The following REPS2 variants were observed in gnomAD, a reference collection of about 807,000 sequenced individuals.
REPS2 encodes RALBP1 associated Eps domain containing 2, also known as ralBP1-associated Eps domain-containing protein 2.
Under a neutral mutation model 53.6 loss-of-function variants are expected in REPS2, and 23 were observed. The observed-to-expected ratio is 0.43, with a 90% CI of 0.31 to 0.61. The LOEUF (loss-of-function observed/expected upper bound fraction) is 0.61, where lower values mean the gene tolerates loss of function less well. REPS2 is among the 20% of genes least tolerant of loss of function. The pLI is 0.11. For missense variants in REPS2, 446 were observed against 534.9 expected, an observed-to-expected ratio of 0.83 and a Z score of 1.64; for synonymous variants, 238 against 218.6, an observed-to-expected ratio of 1.09 and a Z score of -0.78.
intron 1 of REPS2, among the ~76,000 whole-genome samples, chrX:16,952,767 T>G (rs1327161614): frequency 3.6e-5 from 4 of 112,080 alleles, no homozygotes; most frequent in Non-Finnish European, 5.6e-5. Flanking sequence ...CTTTATATTT[T>G]TACATCTTTA....
At chrX:17,026,167 G>C (rs1386229454) in intron 4 of REPS2, among the ~76,000 whole-genome samples, 1 of 111,913 alleles carries the variant, frequency 8.9e-6, no homozygotes, top group Non-Finnish European at 1.9e-5. Flanking sequence ...GTAGGACTTT[G>C]GGCAGGCCAT....
At chrX:17,011,818 C>T (rs373736470) in intron 2 of REPS2, among the ~76,000 whole-genome samples, 6 of 109,983 alleles carry the variant, frequency 5.5e-5, no homozygotes, top group African/African-American at 1.3e-4. Context: ...AAAAATTAGC[C>T]GGGTGTAGTG....
At chrX:17,122,188 A>C (rs951278755) in intron 14 of REPS2, among the ~76,000 whole-genome samples, 7 of 111,749 alleles carry the variant, frequency 6.3e-5, no homozygotes, top group African/African-American at 1.9e-4. Flanking sequence ...AGCACCCCAG[A>C]AGCCCTCCTT....
chrX:17,195,462 G>T, the REPS2 span, among the ~76,000 whole-genome samples: 858 of 112,066 alleles, frequency 7.7e-3, 9 homozygotes, highest in African/African-American at 0.027. Flanking sequence ...CACCTTGGCA[G>T]TTGGGGATAA....
intron 2 of REPS2, among the ~76,000 whole-genome samples, chrX:17,012,827 G>A (rs1314067022): frequency 9.0e-6 from 1 of 111,704 alleles, no homozygotes; most frequent in Admixed American, 9.5e-5. Flanking sequence ...AATAGTTTGG[G>A]GTAAAATTCT....
At chrX:17,118,454 A>T (rs948573780) in intron 14 of REPS2, among the ~76,000 whole-genome samples, 1 of 110,917 alleles carries the variant, frequency 9.0e-6, no homozygotes, top group Non-Finnish European at 1.9e-5. Flanking sequence ...TTAACAGTTC[A>T]TGCTAACACT....
chrX:17,084,144 C>T (rs922100206), intron 13 of REPS2, among the ~76,000 whole-genome samples: 3 of 109,993 alleles, frequency 2.7e-5, no homozygotes, highest in Admixed American at 9.8e-5. Context: ...TTGCCCATTC[C>T]GGAATTCTGT....
chrX:16,962,285 A>G, intron 1 of REPS2, among the ~76,000 whole-genome samples: 1 of 91,342 alleles, frequency 1.1e-5, no homozygotes, highest in South Asian at 4.7e-4. Context: ...ATACACACAC[A>G]CACACACACA....
At chrX:17,059,899 G>A (rs2062133022) in intron 8 of REPS2, among the ~76,000 whole-genome samples, 1 of 46,783 alleles carries the variant, frequency 2.1e-5, no homozygotes, top group Admixed American at 2.3e-4. Flanking sequence ...TTACCCGCTA[G>A]CCTTTTGATA....
intron 14 of REPS2, among the ~76,000 whole-genome samples, chrX:17,129,732 C>T (rs112029054): frequency 8.0e-5 from 9 of 112,310 alleles, no homozygotes; most frequent in South Asian, 7.4e-4. Flanking sequence ...ATAACAAAGA[C>T]GCTCTGCTGT....
chrX:16,995,296 A>G (rs2061221590), intron 1 of REPS2, among the ~76,000 whole-genome samples: 1 of 112,209 alleles, frequency 8.9e-6, no homozygotes, highest in African/African-American at 3.2e-5. Flanking sequence ...AGTGTGCCAC[A>G]TAAGAGAACT....
At chrX:17,009,415 G>A (rs750264202) in intron 2 of REPS2, among the ~76,000 whole-genome samples, 1 of 104,806 alleles carries the variant, frequency 9.5e-6, no homozygotes, top group African/African-American at 3.5e-5. Context: ...TGATTGGCCT[G>A]CCTCAGCAGC....
At chrX:17,043,378 C>T (rs1378924778) in intron 5 of REPS2, among the ~76,000 whole-genome samples, 1 of 111,247 alleles carries the variant, frequency 9.0e-6, no homozygotes, top group African/African-American at 3.3e-5. Flanking sequence ...CAAGGAATGG[C>T]CCACTGGTCT....
At chrX:17,142,869 A>C (rs1348115524) in intron 17 of REPS2, among the ~76,000 whole-genome samples, 1 of 112,238 alleles carries the variant, frequency 8.9e-6, no homozygotes, top group Admixed American at 9.4e-5. Flanking sequence ...TGTTCGCTCA[A>C]AAATCTATAT....
intron 14 of REPS2, among the ~76,000 whole-genome samples, chrX:17,116,474 G>A (rs769371823): frequency 1.8e-5 from 2 of 111,766 alleles, no homozygotes; most frequent in South Asian, 7.5e-4. Flanking sequence ...ACCTCCCAAA[G>A]TGCTGGGATG....
chrX:17,099,724 T>C, intron 13 of REPS2: 1 of 501,536 alleles, frequency 2.0e-6, no homozygotes, highest in South Asian at 2.9e-5. Context: ...ACTTCTTTCC[T>C]TCCCACCTGA....
chrX:17,008,395 A>G (rs1231609334), intron 2 of REPS2, among the ~76,000 whole-genome samples: 2 of 112,303 alleles, frequency 1.8e-5, no homozygotes, highest in African/African-American at 6.5e-5. Flanking sequence ...CCAGATTGAC[A>G]GTTTAATTTC....
intron 1 of REPS2, among the ~76,000 whole-genome samples, chrX:16,967,402 G>C (rs1049583657): frequency 1.2e-4 from 13 of 109,799 alleles, no homozygotes; most frequent in Non-Finnish European, 2.1e-4. Flanking sequence ...TTGGTCAGGT[G>C]TCATAGTTTA....
chrX:17,068,183 G>A (rs1281950688), intron 9 of REPS2, among the ~76,000 whole-genome samples: 1 of 110,129 alleles, frequency 9.1e-6, no homozygotes, highest in Non-Finnish European at 1.9e-5. Flanking sequence ...GCGTGGTGGC[G>A]GGTGCCTGTA....
Sources: allele counts gnomAD v4.1 joint callset (sites outside exome capture counted in the v4.1 genomes callset), GRCh38; gene constraint gnomAD v4.1.1; transcripts MANE v1.5; gene names NCBI Gene and HGNC (gene_info 2026-07-23, HGNC 2026-07-21).